CCDC66: variants seen among roughly 807,000 people sequenced by gnomAD.
CCDC66 encodes coiled-coil domain containing 66.
CCDC66 carries 133 observed loss-of-function variants against 128.3 expected under a neutral mutation model. That is an observed-to-expected ratio of 1.04 (90% CI 0.90 to 1.20). CCDC66 has a LOEUF of 1.20. Among genes scored for constraint, CCDC66 ranks in the 50% most tolerant of loss-of-function variants. CCDC66 has a pLI of 0.00. For synonymous variants in CCDC66, 387 were observed against 357.0 expected, an observed-to-expected ratio of 1.08 and a Z score of -0.95; for missense variants, 1,126 against 1,075.5, an observed-to-expected ratio of 1.05 and a Z score of -0.66.
chr3:56,592,222 C>T (rs1168599829), intron 7 of CCDC66, among the ~76,000 whole-genome samples: 1 of 152,212 alleles, frequency 6.6e-6, no homozygotes, highest in Non-Finnish European at 1.5e-5. Context: ...GTCTCTTGCT[C>T]TCACACATCT....
At chr3:56,593,309 T>G (rs910733158) in intron 8 of CCDC66, among the ~76,000 whole-genome samples, 182 bp from the exon 9 acceptor site, 2 of 152,350 alleles carry the variant, frequency 1.3e-5, no homozygotes, top group African/African-American at 2.4e-5. Context: ...TCTTTGAATT[T>G]CTCAAATTTT....
At chr3:56,580,673 T>G (rs2068209030) in intron 7 of CCDC66, among the ~76,000 whole-genome samples, 1 of 151,838 alleles carries the variant, frequency 6.6e-6, no homozygotes, top group Non-Finnish European at 1.5e-5. Context: ...TTATGAAGCT[T>G]AGTTTGGCTG....
chr3:56,561,090 G>A (rs1335159862), intron 3 of CCDC66: 1 of 421,588 alleles, frequency 2.4e-6, no homozygotes, highest in East Asian at 7.0e-5. Context: ...TATATACCAT[G>A]TATGCTCCCC....
rs1051880072 is a variant in CCDC66, at chr3:56,585,254, C to A, written c.937-7716C>A. On this transcript the variant is annotated intron_variant, in intron 7 of 17. Transcript: ENST00000394672. ...CAGGAAATCTTTGTACAGGAATAGG[C>A]CCAACATAAGATGGGTGGAAGAAAA... Among the ~76,000 whole-genome samples, 8 of 151,504 alleles carry A rather than the reference C, an allele frequency of 5.3e-5. 1 individual carries two copies. Among genetic ancestry groups the A allele is most frequent in the Admixed American group, 3.3e-4 (5 of 15,068 alleles).
chr3:56,613,272 G>A (rs746111749), intron 10 of CCDC66, among the ~76,000 whole-genome samples: 1 of 152,208 alleles, frequency 6.6e-6, no homozygotes, highest in African/African-American at 2.4e-5. Context: ...GGTTAGGATT[G>A]TAGGAGTCCT....
At chr3:56,579,534 C>G (rs1042442898) in intron 7 of CCDC66, among the ~76,000 whole-genome samples, 3 of 151,776 alleles carry the variant, frequency 2.0e-5, no homozygotes, top group African/African-American at 4.8e-5. Context: ...CCTGCTTTCT[C>G]TTGTGGACAT....
chr3:56,595,174 G>A (rs1294313645), intron 10 of CCDC66, among the ~76,000 whole-genome samples: 1 of 152,132 alleles, frequency 6.6e-6, no homozygotes. Context: ...TGTTATATAT[G>A]TAGAATGCGT....
chr3:56,617,555 T>A lies in CCDC66; in HGVS notation c.2287T>A (p.Ser763Thr), dbSNP rs775807062. The A allele has an allele frequency of 1.9e-6, 3 of 1,609,580 alleles. No individual in the cohort carries two copies. Among genetic ancestry groups the A allele is most frequent in the Non-Finnish European group, 2.5e-6 (3 of 1,179,012 alleles). Residue 763 changes from serine (S) to threonine (T), a missense_variant, in exon 14 of 18, where the codon TCA becomes ACA. Physicochemically the swap from Ser to Thr is moderately conservative, Grantham distance 58. Coordinates refer to ENST00000394672, the MANE Select transcript of CCDC66 (RefSeq NM_001141947.3). ...AGGCATTTCACCAGAAATTTTTCAT[T>A]CATCTCATCAAGAAACGGAGTCAAA... ...NRGISPEIFH[S>T]SHQETESKLR... is the part of the protein sequence containing the mutation.
Position 56,593,024 on chromosome 3 carries a change from A to G in CCDC66, c.991A>G (p.Lys331Glu), listed in dbSNP as rs2106934887. Residue 331 changes from lysine to glutamate, a missense_variant, in exon 8 of 18, where the codon AAA becomes GAA. Coordinates refer to ENST00000394672, the MANE Select transcript of CCDC66 (RefSeq NM_001141947.3). ...TGCTGTGAAACAAGAACTGCAAAGA[A>G]AATGGATTGAAGAGTTGAATAAGCA... ...FSAVKQELQR[K>E]WIEELNKQIE... 1 of 1,611,092 alleles carries G rather than the reference A, an allele frequency of 6.2e-7. No homozygotes were observed. The highest frequency in any genetic ancestry group is 2.2e-5 in the East Asian group (1 of 44,770).
rs1346245064 is a variant in CCDC66, at chr3:56,562,041, CT to C, written c.103-1632del. Among the ~76,000 whole-genome samples the C allele has an allele frequency of 9.4e-4, 138 of 146,904 alleles. No homozygotes were observed. The Middle Eastern group carries it at 0.014, about 15-fold the overall frequency. On this transcript the variant is annotated intron_variant, in intron 3 of 17. Transcript: ENST00000394672. ...ATCAAAATCTGTGCATTTTTCTTTT[CT>C]TTTTTTTTTTCTTTTTTGAGGCAGG...
chr3:56,619,774 T>C lies in CCDC66; in HGVS notation c.2636-3T>C, dbSNP rs1484452730. On this transcript the variant is annotated splice_polypyrimidine_tract_variant and splice_region_variant and intron_variant, in intron 16 of 17. Transcript: ENST00000394672. ...CTGACTTGTTACTTTCATCTGGCTT[T>C]AGACTGTGGCCAAAAACGACAGCTA... 1.2e-6 allele frequency: 2 copies of C among 1,614,036 alleles called. No individual in the cohort carries two copies. The highest frequency in any genetic ancestry group is 3.3e-5 in the Admixed American group (2 of 60,014).
At chr3:56,576,294 T>A (rs1186314226) in intron 7 of CCDC66, among the ~76,000 whole-genome samples, 2 of 151,264 alleles carry the variant, frequency 1.3e-5, no homozygotes, top group African/African-American at 2.4e-5. Context: ...TTTGTTTTTT[T>A]ATATATTTTT....
chr3:56,601,683 C>G (rs2073195694), intron 10 of CCDC66, among the ~76,000 whole-genome samples: 1 of 151,938 alleles, frequency 6.6e-6, no homozygotes, highest in African/African-American at 2.4e-5. Context: ...TAAAGAGGTC[C>G]TTCACGTCCC....
intron 7 of CCDC66, chr3:56,572,595 T>C (rs1284725369): frequency 4.1e-5 from 2 of 48,642 alleles, no homozygotes; most frequent in African/African-American, 6.9e-5. Context: ...CTTGTGAACA[T>C]TTACATTTTA....
chr3:56,620,678 A>G (rs181120059), intron 17 of CCDC66: 13 of 152,366 alleles, frequency 8.5e-5, no homozygotes, highest in Admixed American at 4.6e-4. Flanking sequence ...AGAGTTTTAC[A>G]TAAGTTATTT....
chr3:56,568,641 A>G (rs1329623253), intron 6 of CCDC66, among the ~76,000 whole-genome samples: 2 of 152,220 alleles, frequency 1.3e-5, no homozygotes, highest in South Asian at 2.1e-4. Context: ...ATAATTTTTG[A>G]TAGCAGACAT....
At chr3:56,579,278 T>G (rs1249950239) in intron 7 of CCDC66, among the ~76,000 whole-genome samples, 1 of 151,834 alleles carries the variant, frequency 6.6e-6, no homozygotes, top group African/African-American at 2.4e-5. Context: ...TTTTATTGCA[T>G]CTATTTGATT....
At chr3:56,571,479 T>C in intron 7 of CCDC66, 177 bp downstream of exon 7, 1 of 415,246 alleles carries the variant, frequency 2.4e-6, no homozygotes, top group Non-Finnish European at 4.3e-6. Flanking sequence ...CCTCCCAGGC[T>C]CAAGCGATTC....
chr3:56,593,217 C>A, intron 8 of CCDC66, 116 bp downstream of exon 8: 2 of 921,434 alleles, frequency 2.2e-6, no homozygotes, highest in Non-Finnish European at 3.2e-6. Flanking sequence ...ATTTATTCCA[C>A]ATTTGCCCAT....
Sources: allele counts gnomAD v4.1 joint callset (sites outside exome capture counted in the v4.1 genomes callset), GRCh38; gene constraint gnomAD v4.1.1; transcripts MANE v1.5; gene names NCBI Gene and HGNC (gene_info 2026-07-23, HGNC 2026-07-21).